The following FER variants were observed in gnomAD, a reference collection of about 807,000 sequenced individuals.
The protein encoded by FER is tyrosine-protein kinase Fer.
A neutral mutation model predicts 111.0 loss-of-function variants in FER; 63 were observed. That is an observed-to-expected ratio of 0.57 (90% CI 0.46 to 0.70). The LOEUF (loss-of-function observed/expected upper bound fraction) is 0.70, where lower values mean the gene tolerates loss of function less well. FER is among the 30% of genes least tolerant of loss of function. The pLI, the probability that FER is intolerant of heterozygous loss-of-function variation, is 0.00. For missense variants in FER, 914 were observed against 954.0 expected, an observed-to-expected ratio of 0.96 and a Z score of 0.55; for synonymous variants, 327 against 313.9, an observed-to-expected ratio of 1.04 and a Z score of -0.44.
At chr5:108,899,045 A>C (rs753760154) in intron 10 of FER, among the ~76,000 whole-genome samples, 3 of 151,874 alleles carry the variant, frequency 2.0e-5, no homozygotes, top group African/African-American at 7.3e-5. Flanking sequence ...ATGTTGTTCT[A>C]AATAGTATGA....
chr5:109,025,864 C>T (rs370709506), intron 13 of FER, among the ~76,000 whole-genome samples: 1 of 152,094 alleles, frequency 6.6e-6, no homozygotes, highest in African/African-American at 2.4e-5. Flanking sequence ...CCTTTTTGAA[C>T]GTACATATTT....
chr5:109,181,230 C>G (rs1244759421), intron 18 of FER, among the ~76,000 whole-genome samples: 1 of 152,060 alleles, frequency 6.6e-6, no homozygotes, highest in Non-Finnish European at 1.5e-5. Flanking sequence ...TTTCGAATGT[C>G]TTATAATTGG....
chr5:108,997,416 CAAAAA>C (rs552848111), intron 13 of FER, among the ~76,000 whole-genome samples: 5 of 107,996 alleles, frequency 4.6e-5, no homozygotes, highest in Non-Finnish European at 3.8e-5. Context: ...GACCCTGTCT[CAAAAA>C]AAAAAAAAAA....
chr5:108,931,089 A>G (rs926116979), intron 10 of FER, among the ~76,000 whole-genome samples: 1 of 152,180 alleles, frequency 6.6e-6, no homozygotes, highest in Non-Finnish European at 1.5e-5. Context: ...TTGGCTTTCT[A>G]ATCTATAAAA....
chr5:109,152,477 G>A (rs1754952693), intron 17 of FER, among the ~76,000 whole-genome samples: 3 of 152,068 alleles, frequency 2.0e-5, no homozygotes, highest in African/African-American at 7.2e-5. Context: ...GAATTAGGCT[G>A]TATAGAAATC....
rs566243100 is a variant in FER at position 108,949,578 on chromosome 5, A to G, written c.1329+3356A>G. Among the ~76,000 whole-genome samples the G allele has an allele frequency of 6.6e-5, 10 of 152,220 alleles. No individual in the cohort carries two copies. The South Asian group carries it at 1.9e-3, about 28-fold the overall frequency. Reference sequence around the variant, plus strand: ...ATTTGTACTGTAATGGAACAAATCTATTGTTTATATGTTTGCTGAAATGCT... The same window carrying G: ...ATTTGTACTGTAATGGAACAAATCTGTTGTTTATATGTTTGCTGAAATGCT... On this transcript the variant is annotated intron_variant, in intron 11 of 19. Transcript: ENST00000281092.
At chr5:108,814,200 G>A (rs1580688207) in intron 3 of FER, among the ~76,000 whole-genome samples, 1 of 151,944 alleles carries the variant, frequency 6.6e-6, no homozygotes, top group East Asian at 1.9e-4. Flanking sequence ...TCTAGAATAC[G>A]AACATGAGAA....
intron 13 of FER, among the ~76,000 whole-genome samples, chr5:108,997,727 C>T (rs908450912): frequency 2.6e-5 from 4 of 152,030 alleles, no homozygotes; most frequent in African/African-American, 9.7e-5. Context: ...AAGCTGCTCC[C>T]ACAGCTGCCT....
At chr5:109,095,421 A>G (rs1747376287) in intron 16 of FER, among the ~76,000 whole-genome samples, 1 of 152,048 alleles carries the variant, frequency 6.6e-6, no homozygotes, top group Non-Finnish European at 1.5e-5. Flanking sequence ...TGGTTTGTTC[A>G]TGCTACAAGC....
intron 3 of FER, among the ~76,000 whole-genome samples, chr5:108,816,108 A>T (rs964594641): frequency 5.3e-5 from 8 of 151,814 alleles, no homozygotes; most frequent in African/African-American, 1.9e-4. Flanking sequence ...ATATACACAC[A>T]TGCTTTAATC....
intron 1 of FER, among the ~76,000 whole-genome samples, chr5:108,762,557 G>A (rs1034671127): frequency 1.3e-5 from 2 of 152,072 alleles, no homozygotes; most frequent in Non-Finnish European, 2.9e-5. Flanking sequence ...TCTTTCAGGG[G>A]TTTCCCACAT....
chr5:109,159,578 A>G (rs796268375), intron 17 of FER, among the ~76,000 whole-genome samples: 1 of 152,320 alleles, frequency 6.6e-6, no homozygotes, highest in South Asian at 2.1e-4. Flanking sequence ...TAAGACAATA[A>G]TTGTCAAGTA....
chr5:108,953,975 A>G lies in FER; in HGVS notation c.1330-754A>G, dbSNP rs73209362. Among the ~76,000 whole-genome samples, 218 of 152,274 alleles carry G rather than the reference A, an allele frequency of 1.4e-3. 2 individuals carry two copies. Among genetic ancestry groups the G allele is most frequent in the African/African-American group, 5.0e-3 (208 of 41,566 alleles). The stretch of plus-strand genomic sequence containing the variant: ...TACTATCAGCACATTTCAAGGAAAT[A>G]CAATCATCTCTTAAATTATCTCTGA... On this transcript the variant is annotated intron_variant, in intron 11 of 19. Coordinates refer to ENST00000281092, the MANE Select transcript of FER (RefSeq NM_005246.4).
intron 11 of FER, among the ~76,000 whole-genome samples, chr5:108,950,298 A>G (rs954205730): frequency 2.0e-5 from 3 of 152,208 alleles, no homozygotes; most frequent in Non-Finnish European, 4.4e-5. Context: ...ATCCTAGAGA[A>G]CAGTTTTATT....
chr5:108,862,393 C>T (rs1405684140), intron 5 of FER, among the ~76,000 whole-genome samples: 1 of 152,062 alleles, frequency 6.6e-6, no homozygotes, highest in Admixed American at 6.5e-5. Flanking sequence ...GCTAGAAAGA[C>T]AGATGGGTAG....
At chr5:108,990,440 A>C (rs748113130) in intron 13 of FER, among the ~76,000 whole-genome samples, 3 of 151,804 alleles carry the variant, frequency 2.0e-5, no homozygotes, top group Non-Finnish European at 3.0e-5. Flanking sequence ...TTGTATCTCT[A>C]TTGGTGTATG....
intron 17 of FER, among the ~76,000 whole-genome samples, chr5:109,174,056 A>C (rs1757432136): frequency 6.6e-6 from 1 of 152,206 alleles, no homozygotes; most frequent in Admixed American, 6.5e-5. Context: ...ACACGCTTCC[A>C]TAATGGTACT....
intron 17 of FER, among the ~76,000 whole-genome samples, chr5:109,119,857 T>G (rs1217345640): frequency 6.6e-6 from 1 of 152,160 alleles, no homozygotes; most frequent in African/African-American, 2.4e-5. Flanking sequence ...TTGATTTGCA[T>G]TTCTCTGATG....
chr5:108,759,817 A>G (rs1380044968), intron 1 of FER, among the ~76,000 whole-genome samples: 1 of 152,244 alleles, frequency 6.6e-6, no homozygotes, highest in African/African-American at 2.4e-5. Context: ...AGACCTAAAC[A>G]CCTTCCAAAA....
Sources: allele counts gnomAD v4.1 joint callset (sites outside exome capture counted in the v4.1 genomes callset), GRCh38; gene constraint gnomAD v4.1.1; transcripts MANE v1.5; gene names NCBI Gene and HGNC (gene_info 2026-07-23, HGNC 2026-07-21).